The following CHD5 variants were observed in gnomAD, a reference collection of about 807,000 sequenced individuals.
CHD5 encodes the protein ATP-dependent chromatin remodeler CHD5.
Under a neutral mutation model 230.3 loss-of-function variants are expected in CHD5, and 69 were observed. The ratio of observed to expected loss-of-function variants is 0.30; its 90% CI spans 0.25 to 0.37. CHD5 has a LOEUF of 0.37. Among genes scored for constraint, CHD5 ranks in the 10% least tolerant of loss-of-function variants. The pLI is 1.00. For missense variants in CHD5, 1,827 were observed against 2,622.8 expected (o/e 0.70, Z 6.63); for synonymous variants, 1,064 against 1,065.9 (o/e 1.00, Z 0.03).
chr1:6,112,836 G>C (rs1024040515), intron 34 of CHD5, 73 bp downstream of exon 34: 51 of 1,112,978 alleles, frequency 4.6e-5, no homozygotes, highest in Non-Finnish European at 6.4e-5. Flanking sequence ...GACTGTGGGA[G>C]GCTGAACAGG....
chr1:6,117,291 A>C lies in CHD5; in HGVS notation c.4912+3814T>G, dbSNP rs533548267. On this transcript the variant is annotated intron_variant, in intron 33 of 41. Coordinates refer to ENST00000262450, the MANE Select transcript of CHD5 (RefSeq NM_015557.3). The stretch of plus-strand genomic sequence containing the variant: ...ATAGGGACCCTATAATTAGATTTTA[A>C]ATGATGAATCCCCTATACACCGTCT... Among the ~76,000 whole-genome samples the C allele has an allele frequency of 1.1e-4, 16 of 152,362 alleles. No individual in the cohort carries two copies. The East Asian group carries it at 2.9e-3, about 28-fold the overall frequency.
Position 6,125,877 on chromosome 1 carries a change from A to G in CHD5, c.4079-19T>C. ...TGCCACTCTGCAGGGGGCCAGACAG[A>G]GGGGCACGGAGTGAGCTGTACAAGC... On this transcript the variant is annotated intron_variant, in intron 26 of 41. Coordinates refer to ENST00000262450, the MANE Select transcript of CHD5 (RefSeq NM_015557.3). This position sits in a 1 kb window ranked among gnomAD's most constrained non-coding sequence, Gnocchi z 6.7. The G allele has an allele frequency of 6.3e-7, 1 of 1,587,812 alleles. No homozygotes were observed.
rs2100861034 is a variant in CHD5 at position 6,146,632 on chromosome 1, G to A, written c.1590+33C>T. 1 of 1,607,500 alleles carries A rather than the reference G, an allele frequency of 6.2e-7. No homozygotes were observed. Among genetic ancestry groups the A allele is most frequent in the East Asian group, 2.2e-5 (1 of 44,836 alleles). ...AGGGTCCAGGGCTCACCAGGTCCCG[G>A]GCCTTAGCACAGCCACCCTCCCGGG... On this transcript the variant is annotated intron_variant, in intron 10 of 41. Transcript: ENST00000262450. The surrounding 1 kb of genome is among the most constrained non-coding windows in gnomAD (Gnocchi z 5.1).
intron 15 of CHD5, among the ~76,000 whole-genome samples, chr1:6,140,012 T>G (rs1409114012): frequency 1.3e-5 from 2 of 152,194 alleles, no homozygotes; most frequent in African/African-American, 4.8e-5. Context: ...GGAGGGCCTG[T>G]GCGAGGATCC....
chr1:6,102,116 C>T lies in CHD5; in HGVS notation c.*3358G>A, dbSNP rs1666070545. ...CTCCCTCCACACCCCTGAACTCAGACCCCACGGGCCAGTGGGGACCCTCCC... is the reference window on the plus strand; with the variant it reads ...CTCCCTCCACACCCCTGAACTCAGATCCCACGGGCCAGTGGGGACCCTCCC... On this transcript the variant is annotated 3_prime_UTR_variant, in exon 42 of 42. Coordinates refer to ENST00000262450, the MANE Select transcript of CHD5 (RefSeq NM_015557.3). 2 of 339,248 alleles carry T rather than the reference C, an allele frequency of 5.9e-6. No homozygotes were observed. The highest frequency in any genetic ancestry group is 4.2e-5 in the South Asian group (2 of 47,556). The allele number at this position is 339,248 out of a possible 1,614,324, so 21.0% of individuals were successfully genotyped here.
At chr1:6,127,949 G>A (rs1311208841) in intron 25 of CHD5, 97 bp downstream of exon 25, 1 of 1,112,324 alleles carries the variant, frequency 9.0e-7, no homozygotes. Flanking sequence ...GGCTGCGGCG[G>A]GAGGGCGGGG....
intron 7 of CHD5, 36 bp downstream of exon 7, chr1:6,150,996 C>T (rs768241722): frequency 4.7e-6 from 7 of 1,484,308 alleles, no homozygotes; most frequent in African/African-American, 1.4e-5. Context: ...TACATCCACC[C>T]AGCAGGCCAA....
chr1:6,112,596 T>G (rs1314086052), intron 34 of CHD5, among the ~76,000 whole-genome samples: 1 of 152,144 alleles, frequency 6.6e-6, no homozygotes, highest in Non-Finnish European at 1.5e-5. Flanking sequence ...GGACAACTGT[T>G]CCAGAACATT....
intron 33 of CHD5, among the ~76,000 whole-genome samples, chr1:6,117,352 A>G (rs1038571494): frequency 1.1e-4 from 16 of 152,218 alleles, no homozygotes; most frequent in Admixed American, 2.0e-4. Flanking sequence ...AAAGAGATTA[A>G]AAGTGAAGAA....
At chr1:6,178,812 G>A (rs1311555840) in intron 1 of CHD5, among the ~76,000 whole-genome samples, 1 of 152,140 alleles carries the variant, frequency 6.6e-6, no homozygotes, top group Non-Finnish European at 1.5e-5. Flanking sequence ...CCCAGAAGAC[G>A]CTGGCTGCTT....
chr1:6,121,174 C>T lies in CHD5; in HGVS notation c.4843G>A (p.Glu1615Lys), dbSNP rs1318984020. 2.5e-6 allele frequency: 4 copies of T among 1,614,066 alleles called. 1 individual carries two copies. The highest frequency in any genetic ancestry group is 1.7e-6 in the Non-Finnish European group (2 of 1,179,982). The part of the protein sequence containing the change: ...EDKHESPASK[E>K]RAREERPEET... ...TCTGGCCGCTCCTCTCGGGCTCTCT[C>T]CTTGCTGGCTGGGCTCTCGTGCTTG... The change falls in exon 33 of 42, where the codon GAG becomes AAG. Residue 1615 changes from glutamate to lysine, a missense_variant. Around this residue, in one of 14 missense-constraint regions of CHD5, gnomAD observed 272 missense variants for 263.2 expected, o/e 1.03. Transcript: ENST00000262450. This position sits in a 1 kb window ranked among gnomAD's most constrained non-coding sequence, Gnocchi z 4.5.
intron 1 of CHD5, among the ~76,000 whole-genome samples, 188 bp downstream of exon 1, chr1:6,179,757 G>A (rs1324475868): frequency 6.9e-6 from 1 of 145,980 alleles, no homozygotes; most frequent in Admixed American, 6.8e-5. Flanking sequence ...CGGCCCGGGC[G>A]CTCACCCAGC....
rs1250564432 is a variant in CHD5, at chr1:6,121,822, C to T, written c.4700-249G>A. Among the ~76,000 whole-genome samples, 1 of 152,150 alleles carries T rather than the reference C, an allele frequency of 6.6e-6. No homozygotes were observed. Among genetic ancestry groups the T allele is most frequent in the Non-Finnish European group, 1.5e-5 (1 of 68,032 alleles). On this transcript the variant is annotated intron_variant, in intron 31 of 41. Transcript: ENST00000262450. The surrounding 1 kb of genome is among the most constrained non-coding windows in gnomAD (Gnocchi z 4.5). ...AAGTGAGGGGCTGTCAGGACGGGGC[C>T]GCACACAGCCGTGGCTGCTCATCTG... is the stretch of plus-strand genomic sequence containing the variant.
At chr1:6,112,377 A>G in intron 34 of CHD5, 100 bp from the exon 35 acceptor site, 2 of 1,441,172 alleles carry the variant, frequency 1.4e-6, no homozygotes, top group Non-Finnish European at 1.9e-6. Flanking sequence ...GCAAGTAGAA[A>G]ACATCCTCTT....
chr1:6,180,085 T>G lies in CHD5; in HGVS notation c.-62A>C. 1.1e-6 allele frequency: 1 copy of G among 874,788 alleles called. No individual in the cohort carries two copies. The allele number at this position is 874,788 out of a possible 1,614,324, so 54.2% of individuals were successfully genotyped here. A position where few individuals can be genotyped will look rare whatever the true frequency, so the allele number is the denominator to read the frequency against. ...CTCCCGCCGGGCGCGGTGCCAGCCT[T>G]AACCCGTGCGCTGCCGGACCGGCGC... On this transcript the variant is annotated 5_prime_UTR_variant, in exon 1 of 42. Coordinates refer to ENST00000262450, the MANE Select transcript of CHD5 (RefSeq NM_015557.3).
At position 6,168,094 on chromosome 1, in the gene CHD5, G is replaced by T; in HGVS notation, c.207+56C>A. 4 of 1,553,080 alleles carry T rather than the reference G, an allele frequency of 2.6e-6. No homozygotes were observed. In the Middle Eastern group the frequency reaches 9.1e-4, roughly 352 times the overall value. ...CCCAGCCCTCCTCTGCGGCCGGGCA[G>T]ATGCAGCCACAACCCCACCCGCCCC... is the stretch of plus-strand genomic sequence containing the variant. On this transcript the variant is annotated intron_variant, in intron 2 of 41. Coordinates refer to ENST00000262450, the MANE Select transcript of CHD5 (RefSeq NM_015557.3).
At position 6,121,017 on chromosome 1, in the gene CHD5, G is replaced by A. The variant is rs755463678; in HGVS notation, c.4912+88C>T. On this transcript the variant is annotated intron_variant, in intron 33 of 41. Transcript: ENST00000262450. This position sits in a 1 kb window ranked among gnomAD's most constrained non-coding sequence, Gnocchi z 4.5. ...ACCTCTCTGCCAGGGAGAAATGAGC[G>A]GAAGTACAGCCACCTGCCCTTCTCT... is the stretch of plus-strand genomic sequence containing the variant. 3.9e-5 allele frequency: 54 copies of A among 1,386,916 alleles called. No individual in the cohort carries two copies. Among genetic ancestry groups the A allele is most frequent in the African/African-American group, 5.9e-5 (4 of 68,238 alleles). The allele number at this position is 1,386,916 out of a possible 1,614,324, so 85.9% of individuals were successfully genotyped here.
intron 2 of CHD5, among the ~76,000 whole-genome samples, chr1:6,161,999 T>C (rs1407053385): frequency 6.6e-6 from 1 of 152,208 alleles, no homozygotes; most frequent in Non-Finnish European, 1.5e-5. Flanking sequence ...AGCCTGAGAC[T>C]TGGCCAAGTC....
chr1:6,148,572 G>C (rs1388847365), intron 9 of CHD5, among the ~76,000 whole-genome samples: 1 of 152,206 alleles, frequency 6.6e-6, no homozygotes, highest in Non-Finnish European at 1.5e-5. Flanking sequence ...CGTGGTCACT[G>C]AACAGTGGTC....
Sources: gnomAD v4.1 joint callset for allele counts (sites outside exome capture counted in the v4.1 genomes callset) on GRCh38, gnomAD v4.1.1 for gene constraint, gnomAD v4.1.1 regional missense constraint, Gnocchi (gnomAD v3.1) non-coding constraint, MANE v1.5 for transcripts, NCBI Gene and HGNC (gene_info 2026-07-23, HGNC 2026-07-21) for gene names.